Variants in ZNF580 observed in about 807,000 individuals in gnomAD.
ZNF580 encodes the protein LDL-induced EC protein.
A neutral mutation model predicts 1.3 loss-of-function variants in ZNF580; 1 was observed. The observed-to-expected ratio is 0.77, with a 90% CI of 0.27 to 3.65. ZNF580 has a LOEUF of 3.65. ZNF580 is among the 30% of genes most tolerant of loss of function. The probability of loss-of-function intolerance (pLI) is 0.19; values close to 1 mark genes in which losing one functional copy is unlikely to be tolerated. For synonymous variants in ZNF580, 135 were observed against 128.8 expected (o/e 1.05, Z -0.32); for missense variants, 268 against 272.3 (o/e 0.98, Z 0.11).
Position 55,642,735 on chromosome 19 carries a change from C to T in ZNF580, c.227C>T (p.Pro76Leu), listed in dbSNP as rs1982599324. 1.3e-6 allele frequency: 2 copies of T among 1,515,788 alleles called. No individual in the cohort carries two copies. The highest frequency in any genetic ancestry group is 1.8e-6 in the Non-Finnish European group (2 of 1,134,872). 93.9% of individuals were successfully genotyped at this position (1,515,788 alleles called of 1,614,324 possible). ...TVQLEEEPRG[P>L]PQREAPPGEP... ...CAGCTGGAGGAGGAGCCCCGGGGCC[C>T]GCCCCAGCGCGAGGCGCCCCCAGGA... Residue 76 changes from proline to leucine, a missense_variant, in exon 2 of 2, where the codon CCG (proline) becomes CTG (leucine). Pro to Leu is a moderately conservative substitution (Grantham distance 98). Around this residue, in one of 2 missense-constraint regions of ZNF580, gnomAD observed 225 missense variants for 201.7 expected, o/e 1.12. Transcript: ENST00000325333.
intron 1 of ZNF580, chr19:55,641,991 G>C: frequency 1.0e-6 from 1 of 967,456 alleles, no homozygotes; most frequent in South Asian, 4.8e-5. Flanking sequence ...AGTGGGGACG[G>C]AGGGCCAGGA....
In ZNF580 at chr19:55,643,088, G is replaced by A; in HGVS notation, c.*61G>A. 7.5e-7 allele frequency: 1 copy of A among 1,332,618 alleles called. No homozygotes were observed. Among genetic ancestry groups the A allele is most frequent in the Non-Finnish European group, 9.6e-7 (1 of 1,038,570 alleles). 82.5% of individuals were successfully genotyped at this position (1,332,618 alleles called of 1,614,324 possible). A position where few individuals can be genotyped will look rare whatever the true frequency, so the allele number is the denominator to read the frequency against. On this transcript the variant is annotated 3_prime_UTR_variant, in exon 2 of 2. Coordinates refer to ENST00000325333, the MANE Select transcript of ZNF580 (RefSeq NM_207115.2). ...AGGGCCACCAAGTCTGACCCACACA[G>A]CGTCACTCACTCCCACACACACCCC...
Position 55,642,941 on chromosome 19 carries a change from C to G in ZNF580, c.433C>G (p.Arg145Gly). Residue 145 changes from arginine to glycine, a missense_variant, in exon 2 of 2, where the codon CGC (arginine) becomes GGC (glycine). By Grantham distance (125) the Arg-to-Gly change is moderately radical (BLOSUM62 -2). Coordinates refer to ENST00000325333, the MANE Select transcript of ZNF580 (RefSeq NM_207115.2). ...GCGGCATCGCGCCACGCACCGCGCC[C>G]GCGCCGGGCCGCCGCACACCTGCCC... ...LSRHRATHRA[R>G]AGPPHTCPLC... 1 of 1,441,010 alleles carries G rather than the reference C, an allele frequency of 6.9e-7. No homozygotes were observed. The highest frequency in any genetic ancestry group is 2.9e-5 in the East Asian group (1 of 34,722). The allele number at this position is 1,441,010 out of a possible 1,614,324, so 89.3% of individuals were successfully genotyped here.
At chr19:55,642,391 C>T (rs1982561142) in intron 1 of ZNF580, 106 bp from the exon 2 acceptor site, 12 of 1,315,700 alleles carry the variant, frequency 9.1e-6, no homozygotes, top group Non-Finnish European at 1.2e-5. Context: ...TAGTCAGTGG[C>T]GCACAAAGGG....
chr19:55,643,388 G>A lies in ZNF580; in HGVS notation c.*361G>A. 3.8e-6 allele frequency: 1 copy of A among 263,074 alleles called. No individual in the cohort carries two copies. The highest frequency in any genetic ancestry group is 7.7e-6 in the Non-Finnish European group (1 of 129,820). 16.3% of individuals were successfully genotyped at this position (263,074 alleles called of 1,614,324 possible). Reference sequence around the variant, plus strand: ...GCGGGGAAGAGATGATAAAGAGCACGGGCACGGTCTGGTTCATTTCTGTAT... The same window carrying A: ...GCGGGGAAGAGATGATAAAGAGCACAGGCACGGTCTGGTTCATTTCTGTAT... On this transcript the variant is annotated 3_prime_UTR_variant, in exon 2 of 2. Coordinates refer to ENST00000325333, the MANE Select transcript of ZNF580 (RefSeq NM_207115.2).
intron 1 of ZNF580, 72 bp from the exon 2 acceptor site, chr19:55,642,425 G>A: frequency 7.2e-7 from 1 of 1,396,458 alleles, no homozygotes; most frequent in Non-Finnish European, 9.3e-7. Flanking sequence ...TAGTGGGGAT[G>A]CTTTCCATTT....
Position 55,641,062 on chromosome 19 carries a change from C to T in ZNF580, c.-134C>T. On this transcript the variant is annotated 5_prime_UTR_variant, in exon 1 of 2. Transcript: ENST00000325333. ...CCCGCGCCCCCAGTCCCCGCGTCCCCGGCGCCGCCGGCCCGGAGCTGCCCG... is the reference window on the plus strand; with the variant it reads ...CCCGCGCCCCCAGTCCCCGCGTCCCTGGCGCCGCCGGCCCGGAGCTGCCCG... 5.1e-6 allele frequency: 5 copies of T among 985,260 alleles called. No homozygotes were observed. Among genetic ancestry groups the T allele is most frequent in the Non-Finnish European group, 6.0e-6 (5 of 829,830 alleles). 61.0% of individuals were successfully genotyped at this position (985,260 alleles called of 1,614,324 possible).
At position 55,641,048 on chromosome 19, in the gene ZNF580, AGTCCCCGC is replaced by A. The variant is rs2123625522; in HGVS notation, c.-140_-133del. 3.0e-6 allele frequency: 3 copies of A among 984,898 alleles called. No homozygotes were observed. The highest frequency in any genetic ancestry group is 4.7e-5 in the South Asian group (1 of 21,292). The allele number at this position is 984,898 out of a possible 1,614,324, so 61.0% of individuals were successfully genotyped here. A position where few individuals can be genotyped will look rare whatever the true frequency, so the allele number is the denominator to read the frequency against. Reference sequence around the variant, plus strand: ...CAACCCCTCGCACCCCCGCGCCCCCAGTCCCCGCGTCCCCGGCGCCGCCGGCCCGGAGC... The same window carrying A: ...CAACCCCTCGCACCCCCGCGCCCCCAGTCCCCGGCGCCGCCGGCCCGGAGC... On this transcript the variant is annotated 5_prime_UTR_variant, in exon 1 of 2. Transcript: ENST00000325333.
intron 1 of ZNF580, 88 bp from the exon 2 acceptor site, chr19:55,642,409 C>T (rs1982562689): frequency 1.4e-5 from 19 of 1,357,524 alleles, no homozygotes; most frequent in Non-Finnish European, 1.8e-5. Context: ...GGGTAACAAG[C>T]AGTGATAGTG....
At chr19:55,642,408 G>A in intron 1 of ZNF580, 89 bp from the exon 2 acceptor site, 2 of 1,356,776 alleles carry the variant, frequency 1.5e-6, no homozygotes, top group Non-Finnish European at 1.9e-6. Context: ...AGGGTAACAA[G>A]CAGTGATAGT....
Position 55,642,649 on chromosome 19 carries a change from C to G in ZNF580, c.141C>G (p.Pro47=), listed in dbSNP as rs758724546. 3 of 1,431,214 alleles carry G rather than the reference C, an allele frequency of 2.1e-6. No homozygotes were observed. The Admixed American group carries it at 8.7e-5, about 42-fold the overall frequency. The allele number at this position is 1,431,214 out of a possible 1,614,324, so 88.7% of individuals were successfully genotyped here. The part of the protein sequence containing the change: ...STPSSAAGPR[P]PRLGRHLLID... The stretch of plus-strand genomic sequence containing the variant: ...CTTCCTCGGCGGCGGGGCCCCGACC[C>G]CCGCGGCTGGGCCGCCACCTCCTCA... Residue 47 remains proline, a synonymous_variant, in exon 2 of 2, where the codon CCC becomes CCG. Coordinates refer to ENST00000325333, the MANE Select transcript of ZNF580 (RefSeq NM_207115.2).
chr19:55,642,584 G>A lies in ZNF580; in HGVS notation c.76G>A (p.Ala26Thr), dbSNP rs757796258. ...GGCCATGGACCCACCGCCCCCCAAG[G>A]CTCCCCCTTTCCCCAAGGCGGAAGG... is the stretch of plus-strand genomic sequence containing the variant. ...PEAMDPPPPKAPPFPKAEGPS... is the reference protein window; with the variant it reads ...PEAMDPPPPKTPPFPKAEGPS... Residue 26 changes from alanine to threonine, a missense_variant, in exon 2 of 2, where the codon GCT becomes ACT. Coordinates refer to ENST00000325333, the MANE Select transcript of ZNF580 (RefSeq NM_207115.2). 3.5e-6 allele frequency: 5 copies of A among 1,448,152 alleles called. No individual in the cohort carries two copies. The highest frequency in any genetic ancestry group is 4.5e-6 in the Non-Finnish European group (5 of 1,100,258). 89.7% of individuals were successfully genotyped at this position (1,448,152 alleles called of 1,614,324 possible). A position where few individuals can be genotyped will look rare whatever the true frequency, so the allele number is the denominator to read the frequency against.
chr19:55,642,703 C>A lies in ZNF580; in HGVS notation c.195C>A (p.Tyr65Ter). 1.3e-6 allele frequency: 2 copies of A among 1,487,158 alleles called. No homozygotes were observed. Among genetic ancestry groups the A allele is most frequent in the Non-Finnish European group, 8.9e-7 (1 of 1,118,596 alleles). The allele number at this position is 1,487,158 out of a possible 1,614,324, so 92.1% of individuals were successfully genotyped here. ...LIDANGVPYT[Y>*]TVQLEEEPRG... ...ACGCCAATGGGGTCCCCTACACATACACGGTGCAGCTGGAGGAGGAGCCCC... is the reference window on the plus strand; with the variant it reads ...ACGCCAATGGGGTCCCCTACACATAAACGGTGCAGCTGGAGGAGGAGCCCC... Residue 65 changes from tyrosine (Y) to a stop codon, truncating the protein, a stop_gained, in exon 2 of 2, where the codon TAC becomes TAA. Coordinates refer to ENST00000325333, the MANE Select transcript of ZNF580 (RefSeq NM_207115.2). LOFTEE classifies it low-confidence loss of function (END_TRUNC).
chr19:55,643,183 T>TGC lies in ZNF580; in HGVS notation c.*156_*157insGC. On this transcript the variant is annotated 3_prime_UTR_variant, in exon 2 of 2. Transcript: ENST00000325333. The stretch of plus-strand genomic sequence containing the variant: ...CCACCTTCCAAAGGGAGGAGCATCA[T>TGC]TCCTTCCTTACCCCCTTTCTAGCTG... The TGC allele has an allele frequency of 8.4e-7, 1 of 1,190,744 alleles. No homozygotes were observed. The highest frequency in any genetic ancestry group is 1.1e-6 in the Non-Finnish European group (1 of 927,942). The allele number at this position is 1,190,744 out of a possible 1,614,324, so 73.8% of individuals were successfully genotyped here. A position where few individuals can be genotyped will look rare whatever the true frequency, so the allele number is the denominator to read the frequency against.
At chr19:55,641,249 G>A in intron 1 of ZNF580, 66 bp downstream of exon 1, 2 of 942,714 alleles carry the variant, frequency 2.1e-6, no homozygotes, top group Non-Finnish European at 2.5e-6. Context: ...GCAGGCTGGG[G>A]GAGTGCGCTG....
Position 55,642,681 on chromosome 19 carries a change from C to T in ZNF580, c.173C>T (p.Ala58Val). ...PRLGRHLLIDANGVPYTYTVQ... is the reference protein window; with the variant it reads ...PRLGRHLLIDVNGVPYTYTVQ... ...CTGGGCCGCCACCTCCTCATCGACG[C>T]CAATGGGGTCCCCTACACATACACG... Residue 58 changes from alanine (A) to valine (V), a missense_variant, in exon 2 of 2, where the codon GCC (alanine) becomes GTC (valine). Ala to Val is a moderately conservative substitution (Grantham distance 64). Around this residue, in one of 2 missense-constraint regions of ZNF580, gnomAD observed 225 missense variants for 201.7 expected, o/e 1.12. Coordinates refer to ENST00000325333, the MANE Select transcript of ZNF580 (RefSeq NM_207115.2). The T allele has an allele frequency of 6.9e-7, 1 of 1,439,784 alleles. No individual in the cohort carries two copies. Among genetic ancestry groups the T allele is most frequent in the Non-Finnish European group, 9.1e-7 (1 of 1,094,446 alleles). 89.2% of individuals were successfully genotyped at this position (1,439,784 alleles called of 1,614,324 possible).
In ZNF580 at chr19:55,641,057, G is replaced by A. The variant is rs1419203750; in HGVS notation, c.-139G>A. 1.8e-5 allele frequency: 18 copies of A among 985,062 alleles called. No homozygotes were observed. Among genetic ancestry groups the A allele is most frequent in the Non-Finnish European group, 2.2e-5 (18 of 829,846 alleles). 61.0% of individuals were successfully genotyped at this position (985,062 alleles called of 1,614,324 possible). On this transcript the variant is annotated 5_prime_UTR_variant, in exon 1 of 2. Transcript: ENST00000325333. The stretch of plus-strand genomic sequence containing the variant: ...GCACCCCCGCGCCCCCAGTCCCCGC[G>A]TCCCCGGCGCCGCCGGCCCGGAGCT...
At position 55,643,057 on chromosome 19, in the gene ZNF580, C is replaced by T. The variant is rs992185525; in HGVS notation, c.*30C>T. 13 of 1,341,864 alleles carry T rather than the reference C, an allele frequency of 9.7e-6. No homozygotes were observed. The highest frequency in any genetic ancestry group is 1.2e-5 in the Non-Finnish European group (13 of 1,044,392). The allele number at this position is 1,341,864 out of a possible 1,614,324, so 83.1% of individuals were successfully genotyped here. ...GAGACCCGGCCTGTGCTGCCCTGCC[C>T]GTCTCAGGGCCACCAAGTCTGACCC... On this transcript the variant is annotated 3_prime_UTR_variant, in exon 2 of 2. Transcript: ENST00000325333.
Position 55,643,017 on chromosome 19 carries a change from G to A in ZNF580, c.509G>A (p.Arg170His), listed in dbSNP as rs1373662276. 3 of 1,361,850 alleles carry A rather than the reference G, an allele frequency of 2.2e-6. No homozygotes were observed. The highest frequency in any genetic ancestry group is 3.1e-5 in the African/African-American group (2 of 65,016). The allele number at this position is 1,361,850 out of a possible 1,614,324, so 84.4% of individuals were successfully genotyped here. ...QDAAELAQHV[R>H]LH ...GCCGCGGAGCTGGCGCAGCACGTGC[G>A]CCTCCACTAAGCTCGAGACCCGGCC... Residue 170 changes from arginine to histidine, a missense_variant, in exon 2 of 2, where the codon CGC becomes CAC. Transcript: ENST00000325333.
Sources: allele counts gnomAD v4.1 joint callset, GRCh38; gene constraint gnomAD v4.1.1; regional missense constraint gnomAD v4.1.1; transcripts MANE v1.5; gene names NCBI Gene and HGNC (gene_info 2026-07-23, HGNC 2026-07-21).